The following ANK1 variants were observed in gnomAD, a reference collection of about 807,000 sequenced individuals.
The protein encoded by ANK1 is ankyrin 1, also known as ankyrin-1.
A neutral mutation model predicts 210.4 loss-of-function variants in ANK1; 51 were observed. The observed-to-expected ratio is 0.24, with a 90% CI of 0.19 to 0.31. ANK1 has a LOEUF of 0.31. ANK1 is among the 10% of genes least tolerant of loss of function. The pLI, the probability that ANK1 is intolerant of heterozygous loss-of-function variation, is 1.00. For missense variants in ANK1, 2,051 were observed against 2,504.4 expected, an observed-to-expected ratio of 0.82 and a Z score of 3.86; for synonymous variants, 967 against 1,025.9, an observed-to-expected ratio of 0.94 and a Z score of 1.10.
chr8:41,810,511 C>T lies in ANK1; in HGVS notation c.127-52374G>A, dbSNP rs185936460. Among the ~76,000 whole-genome samples the T allele has an allele frequency of 2.0e-4, 31 of 152,350 alleles. No individual in the cohort carries two copies. The East Asian group carries it at 5.8e-3, about 28-fold the overall frequency. ...ATCTGTGGCCCCTCTGCTGAGGCTG[C>T]CCTACAGCCGTGCAAAGGCTTTTTA... On this transcript the variant is annotated intron_variant, in intron 1 of 42. Transcript: ENST00000265709.
rs1202247842 is a variant in ANK1 at position 41,690,494 on chromosome 8, G to A, written c.3964C>T (p.Arg1322Cys). Residue 1322 changes from arginine (R) to cysteine (C), a missense_variant, in exon 32 of 43, where the codon CGT becomes TGT. By Grantham distance (180) the Arg-to-Cys change is radical (BLOSUM62 -3). Coordinates refer to ENST00000289734, the MANE Select transcript of ANK1 (RefSeq NM_000037.4). ...SFHFQSFREN[R>C]LAMPVKVRDS... ...GGCACCTTTACAGGCATGGCCAGAC[G>A]GTTCTCCCGAAATGACTGGAAGTGG... 16 of 1,614,068 alleles carry A rather than the reference G, an allele frequency of 9.9e-6. No individual in the cohort carries two copies. The highest frequency in any genetic ancestry group is 2.7e-5 in the African/African-American group (2 of 74,926).
chr8:41,687,456 C>A (rs150720656), intron 35 of ANK1, among the ~76,000 whole-genome samples: 193 of 152,320 alleles, frequency 1.3e-3, no homozygotes, highest in African/African-American at 4.4e-3. Flanking sequence ...GGGATCAGCA[C>A]GAGAACGTAG....
intron 42 of ANK1, among the ~76,000 whole-genome samples, chr8:41,657,936 C>CAGTAT (rs1293473673): frequency 6.6e-6 from 1 of 152,198 alleles, no homozygotes; most frequent in Non-Finnish European, 1.5e-5. Context: ...GGCTAGCGTG[C>CAGTAT]AGTGGTATAA....
At chr8:41,732,631 T>G (rs2150670828) in intron 3 of ANK1, among the ~76,000 whole-genome samples, 1 of 152,234 alleles carries the variant, frequency 6.6e-6, no homozygotes, top group South Asian at 2.1e-4. Flanking sequence ...TGGGCTGGTT[T>G]CGAACTCCTA....
At chr8:41,660,456 C>G (rs539160181) in intron 42 of ANK1, 11 of 460,846 alleles carry the variant, frequency 2.4e-5, no homozygotes, top group South Asian at 1.6e-4. Flanking sequence ...CTGTACTGAG[C>G]TGCCCCGAGC....
chr8:41,838,944 G>T (rs1270205006), intron 1 of ANK1, among the ~76,000 whole-genome samples: 10 of 151,924 alleles, frequency 6.6e-5, no homozygotes, highest in Non-Finnish European at 1.5e-4. Flanking sequence ...CGGCATGATG[G>T]TGCATGCCTG....
At chr8:41,788,634 G>A (rs748463731) in intron 1 of ANK1, among the ~76,000 whole-genome samples, 5 of 152,168 alleles carry the variant, frequency 3.3e-5, no homozygotes, top group Non-Finnish European at 7.3e-5. Flanking sequence ...ACGTAGCATG[G>A]TGGCGGGTAC....
At chr8:41,773,230 G>A (rs1843305987) in intron 1 of ANK1, among the ~76,000 whole-genome samples, 1 of 152,128 alleles carries the variant, frequency 6.6e-6, no homozygotes, top group African/African-American at 2.4e-5. Flanking sequence ...CAAGTGCGGG[G>A]GTCTATTTAG....
chr8:41,793,754 G>T (rs1848215287), intron 1 of ANK1, among the ~76,000 whole-genome samples: 1 of 152,200 alleles, frequency 6.6e-6, no homozygotes, highest in South Asian at 2.1e-4. Context: ...ATCTTCTGCA[G>T]CTGTGATTGC....
rs544151061 is a variant in ANK1, at chr8:41,672,863, A to G, written c.4587T>C (p.Cys1529=). Residue 1529 remains cysteine (C), a synonymous_variant, in exon 38 of 43, where the codon TGT becomes TGC. Transcript: ENST00000289734. ...DELLSPASLG[C]ALSSPLRADQ... ...CTGCACGTAGCGGAGAGGAAAGTGC[A>G]CAGCCCAGGGAGGCAGGGGACAGCA... is the stretch of plus-strand genomic sequence containing the variant. 11 of 1,609,440 alleles carry G rather than the reference A, an allele frequency of 6.8e-6. No individual in the cohort carries two copies. Among genetic ancestry groups the G allele is most frequent in the African/African-American group, 5.3e-5 (4 of 75,070 alleles).
At chr8:41,827,348 A>G (rs1805563902) in intron 1 of ANK1, among the ~76,000 whole-genome samples, 1 of 152,224 alleles carries the variant, frequency 6.6e-6, no homozygotes, top group Admixed American at 6.5e-5. Flanking sequence ...TGCCTCCGCC[A>G]GAGTAGCTGG....
chr8:41,836,837 T>C (rs1191848063), intron 1 of ANK1, among the ~76,000 whole-genome samples: 3 of 151,732 alleles, frequency 2.0e-5, no homozygotes, highest in Non-Finnish European at 4.4e-5. Flanking sequence ...GGAGGATCAC[T>C]TGAGCCCAGG....
chr8:41,835,117 C>T (rs112057695), intron 1 of ANK1, among the ~76,000 whole-genome samples: 2 of 152,202 alleles, frequency 1.3e-5, no homozygotes, highest in Admixed American at 6.5e-5. Flanking sequence ...AGAAGCAAGC[C>T]GGTGTTCTGG....
intron 1 of ANK1, among the ~76,000 whole-genome samples, chr8:41,872,363 G>C (rs191786983): frequency 2.0e-4 from 30 of 152,336 alleles, no homozygotes; most frequent in Non-Finnish European, 3.4e-4. Context: ...CTAAGGCGAG[G>C]CCTCTGTGCA....
intron 2 of ANK1, among the ~76,000 whole-genome samples, chr8:41,744,457 A>G (rs1835553582): frequency 6.6e-6 from 1 of 152,146 alleles, no homozygotes; most frequent in Non-Finnish European, 1.5e-5. Flanking sequence ...CTTATAGTAG[A>G]AAAACGTGGC....
intron 36 of ANK1, 136 bp downstream of exon 36, chr8:41,686,016 T>C (rs1189917768): frequency 1.4e-6 from 2 of 1,380,228 alleles, no homozygotes; most frequent in Middle Eastern, 1.8e-4. Flanking sequence ...CTGATGCGAG[T>C]GGTGCGTGAG....
At chr8:41,764,291 T>C (rs1291674718) in intron 1 of ANK1, among the ~76,000 whole-genome samples, 2 of 152,198 alleles carry the variant, frequency 1.3e-5, no homozygotes, top group Admixed American at 6.5e-5. Context: ...ACCATCGTGT[T>C]CTGCTGAGCC....
chr8:41,866,474 G>A (rs753662699), intron 1 of ANK1, among the ~76,000 whole-genome samples: 3 of 152,206 alleles, frequency 2.0e-5, no homozygotes, highest in Admixed American at 1.3e-4. Flanking sequence ...GATGACAGGC[G>A]TGAGCCACTG....
At chr8:41,896,377 C>A in exon 1 of ANK1, 2 of 1,600,478 alleles carry the variant, frequency 1.2e-6, no homozygotes, top group African/African-American at 1.4e-5. Context: ...GTCACGGGAG[C>A]GGTTTCTCCG....
Sources: allele counts gnomAD v4.1 joint callset (sites outside exome capture counted in the v4.1 genomes callset), GRCh38; gene constraint gnomAD v4.1.1; transcripts MANE v1.5; gene names NCBI Gene and HGNC (gene_info 2026-07-23, HGNC 2026-07-21).